The following CNIH3 variants were observed in gnomAD, a reference collection of about 807,000 sequenced individuals.
The protein encoded by CNIH3 is protein cornichon homolog 3.
Under a neutral mutation model 24.1 loss-of-function variants are expected in CNIH3, and 14 were observed. That is an observed-to-expected ratio of 0.58 (90% CI 0.38 to 0.91). The LOEUF is 0.91. CNIH3 is among the 40% of genes least tolerant of loss of function. The pLI is 0.00. For synonymous variants in CNIH3, 68 were observed against 73.8 expected (o/e 0.92, Z 0.40); for missense variants, 178 against 196.8 (o/e 0.90, Z 0.57).
chr1:224,617,317 A>G, intron 1 of CNIH3, 62 bp downstream of exon 1: 1 of 1,571,856 alleles, frequency 6.4e-7, no homozygotes, highest in Non-Finnish European at 8.7e-7. Flanking sequence ...CCCCGATTTC[A>G]CCCCACTTTT....
intron 1 of CNIH3, among the ~76,000 whole-genome samples, chr1:224,643,376 T>G (rs1436503169): frequency 6.6e-6 from 1 of 152,212 alleles, no homozygotes; most frequent in Non-Finnish European, 1.5e-5. Flanking sequence ...TACATGAGGC[T>G]CATCTAGATT....
intron 4 of CNIH3, among the ~76,000 whole-genome samples, chr1:224,576,678 C>G (rs973963620): frequency 2.6e-5 from 4 of 152,158 alleles, no homozygotes; most frequent in Admixed American, 6.5e-5. Context: ...TCCTGTAAAG[C>G]CTTTTGTTTT....
At chr1:224,629,240 C>A (rs1320826673) in intron 1 of CNIH3, among the ~76,000 whole-genome samples, 1 of 152,078 alleles carries the variant, frequency 6.6e-6, no homozygotes, top group Non-Finnish European at 1.5e-5. Flanking sequence ...AACTCCTGAA[C>A]CCATGATCTG....
exon 5 of CNIH3, chr1:224,583,221 C>T (rs1207587584): frequency 6.6e-6 from 1 of 152,324 alleles, no homozygotes; most frequent in Non-Finnish European, 1.5e-5. Flanking sequence ...TGGCAGTGGA[C>T]AGAGTCGTGA....
At chr1:224,475,833 CA>C in intron 1 of CNIH3, among the ~76,000 whole-genome samples, 1 of 152,090 alleles carries the variant, frequency 6.6e-6, no homozygotes, top group South Asian at 2.1e-4. Flanking sequence ...AACATTGATG[CA>C]AAAATCCTCA....
chr1:224,626,950 A>G (rs1172313444), intron 1 of CNIH3, among the ~76,000 whole-genome samples: 1 of 152,162 alleles, frequency 6.6e-6, no homozygotes, highest in Non-Finnish European at 1.5e-5. Context: ...ACAACCTGGC[A>G]AACTTGTGTG....
In CNIH3 at chr1:224,703,845, T is replaced by C. The variant is rs1050591581; in HGVS notation, c.198+19002T>C. Among the ~76,000 whole-genome samples, 2 of 152,196 alleles carry C rather than the reference T, an allele frequency of 1.3e-5. No homozygotes were observed. The highest frequency in any genetic ancestry group is 1.3e-4 in the Admixed American group (2 of 15,286). ...GCCAGCTCATTCAGCCCGCAGCAGGTATTTAGGCAGAACAAGATGAGCACC... is the reference window on the plus strand; with the variant it reads ...GCCAGCTCATTCAGCCCGCAGCAGGCATTTAGGCAGAACAAGATGAGCACC... On this transcript the variant is annotated intron_variant, in intron 3 of 5. Transcript: ENST00000272133. The surrounding 1 kb of genome is among the most constrained non-coding windows in gnomAD (Gnocchi z 4.2).
chr1:224,734,475 C>A (rs535383286), intron 4 of CNIH3, 88 bp from the exon 5 acceptor site: 4 of 1,387,892 alleles, frequency 2.9e-6, no homozygotes, highest in Non-Finnish European at 4.0e-6. Context: ...AGGGATTGCT[C>A]GACAGAAGCC....
intron 1 of CNIH3, among the ~76,000 whole-genome samples, chr1:224,625,678 T>G (rs1294363164): frequency 6.6e-6 from 1 of 152,164 alleles, no homozygotes; most frequent in Non-Finnish European, 1.5e-5. Context: ...GGGGAGATGG[T>G]GGATGGGATA....
At chr1:224,553,389 G>T (rs1265271749) in intron 3 of CNIH3, among the ~76,000 whole-genome samples, 3 of 151,888 alleles carry the variant, frequency 2.0e-5, no homozygotes, top group Non-Finnish European at 4.4e-5. Context: ...ATGCTACTTC[G>T]CTTGAAAGAT....
At chr1:224,735,078 G>A (rs1216657070) in intron 5 of CNIH3, among the ~76,000 whole-genome samples, 1 of 152,174 alleles carries the variant, frequency 6.6e-6, no homozygotes. Flanking sequence ...TGTGGCCACA[G>A]GGGCTCAGGC....
At chr1:224,573,969 G>T (rs943454675) in intron 4 of CNIH3, among the ~76,000 whole-genome samples, 5 of 152,080 alleles carry the variant, frequency 3.3e-5, no homozygotes, top group African/African-American at 1.2e-4. Flanking sequence ...TCACAGTGTT[G>T]CCCAGGCTAG....
intron 1 of CNIH3, among the ~76,000 whole-genome samples, chr1:224,666,607 G>A (rs1196993690): frequency 1.3e-5 from 2 of 152,194 alleles, no homozygotes; most frequent in East Asian, 3.9e-4. Context: ...GCCCTCAATC[G>A]CCAGTTTGTG....
chr1:224,684,736 A>T lies in CNIH3; in HGVS notation c.151-60A>T. 1 of 1,495,980 alleles carries T rather than the reference A, an allele frequency of 6.7e-7. No individual in the cohort carries two copies. The highest frequency in any genetic ancestry group is 1.4e-5 in the African/African-American group (1 of 72,094). 92.7% of individuals were successfully genotyped at this position (1,495,980 alleles called of 1,614,324 possible). On this transcript the variant is annotated intron_variant, in intron 2 of 5. Coordinates refer to ENST00000272133, the MANE Select transcript of CNIH3 (RefSeq NM_152495.2). This position sits in a 1 kb window ranked among gnomAD's most constrained non-coding sequence, Gnocchi z 4.2. ...TTGGGGCTGATTGCGGGGCCTTCTC[A>T]TGCTATTTTAGCAGAACCCCTAACC...
At chr1:224,633,859 T>C (rs1408027237) in intron 1 of CNIH3, among the ~76,000 whole-genome samples, 1 of 152,214 alleles carries the variant, frequency 6.6e-6, no homozygotes, top group East Asian at 1.9e-4. Flanking sequence ...GGCTCTTTGG[T>C]TTAATTTTTT....
downstream of CNIH3, among the ~76,000 whole-genome samples, chr1:224,592,875 A>C (rs114039093): frequency 7.5e-4 from 114 of 152,340 alleles, no homozygotes; most frequent in African/African-American, 2.7e-3. Context: ...CAGGTGTGGA[A>C]GGAGCCAGGG....
chr1:224,596,741 G>C (rs899941864), intron 3 of CNIH3, among the ~76,000 whole-genome samples: 2 of 152,152 alleles, frequency 1.3e-5, no homozygotes, highest in South Asian at 2.1e-4. Context: ...TTTTATTAAA[G>C]TATTTGGGCT....
chr1:224,663,341 T>G (rs1685449286), intron 1 of CNIH3, among the ~76,000 whole-genome samples: 1 of 152,112 alleles, frequency 6.6e-6, no homozygotes. Flanking sequence ...GGATTGAACC[T>G]CGACCTCCCA....
chr1:224,658,289 T>G (rs1685191715), intron 1 of CNIH3, among the ~76,000 whole-genome samples: 1 of 152,112 alleles, frequency 6.6e-6, no homozygotes, highest in Non-Finnish European at 1.5e-5. Flanking sequence ...CCTTAGCCTC[T>G]CAAGTAGCTG....
Sources: gnomAD v4.1 joint callset for allele counts (sites outside exome capture counted in the v4.1 genomes callset) on GRCh38, gnomAD v4.1.1 for gene constraint, Gnocchi (gnomAD v3.1) non-coding constraint, MANE v1.5 for transcripts, NCBI Gene and HGNC (gene_info 2026-07-23, HGNC 2026-07-21) for gene names.